Variants in COL23A1 observed in about 807,000 individuals in gnomAD.
COL23A1 encodes collagen alpha-1(XXIII) chain.
COL23A1 carries 97 observed loss-of-function variants against 99.3 expected under a neutral mutation model. That is an observed-to-expected ratio of 0.98 (90% CI 0.83 to 1.16). The LOEUF is 1.16. Ranked by LOEUF, COL23A1 falls within the 50% of genes most tolerant of loss-of-function variation. The pLI, the probability that COL23A1 is intolerant of heterozygous loss-of-function variation, is 0.00. For missense variants in COL23A1, 762 were observed against 757.4 expected (o/e 1.01, Z -0.07); for synonymous variants, 320 against 308.2 (o/e 1.04, Z -0.40).
intron 2 of COL23A1, among the ~76,000 whole-genome samples, chr5:178,315,516 A>G (rs1369843607): frequency 6.6e-6 from 1 of 152,238 alleles, no homozygotes; most frequent in African/African-American, 2.4e-5. Context: ...TGCCTGCACC[A>G]GTGATGCCCT....
At chr5:178,409,015 CACACACAT>C (rs1301962827) in intron 2 of COL23A1, among the ~76,000 whole-genome samples, 42 of 136,824 alleles carry the variant, frequency 3.1e-4, no homozygotes, top group Middle Eastern at 7.5e-3. Flanking sequence ...CACACACACA[CACACACAT>C]CATGTGGCTG....
intron 2 of COL23A1, among the ~76,000 whole-genome samples, chr5:178,437,373 C>T (rs1329277594): frequency 1.3e-5 from 2 of 152,144 alleles, no homozygotes; most frequent in East Asian, 1.9e-4. Context: ...AAACAGGGTG[C>T]CAGGAGAGGT....
In COL23A1 at chr5:178,254,994, G is replaced by T. The variant is rs752511893; in HGVS notation, c.915C>A (p.Asp305Glu). Reference sequence around the variant, plus strand: ...TGCCATCATAGTCGATCACCACTGTGTCTCCCTGCTCGCCCTTGAGGCCTG... The same window carrying T: ...TGCCATCATAGTCGATCACCACTGTTTCTCCCTGCTCGCCCTTGAGGCCTG... ...GAPGLKGEQG[D>E]TVVIDYDGRI... The change falls in exon 16 of 29, where the codon GAC becomes GAA. Residue 305 changes from aspartate to glutamate, a missense_variant. Transcript: ENST00000390654. 1.2e-6 allele frequency: 2 copies of T among 1,613,778 alleles called. No individual in the cohort carries two copies. The highest frequency in any genetic ancestry group is 3.3e-5 in the Admixed American group (2 of 60,000).
chr5:178,503,008 G>A lies in COL23A1; in HGVS notation c.361+57674C>T, dbSNP rs114382838. 3.7e-3 allele frequency among the ~76,000 whole-genome samples: 560 copies of A among 152,330 alleles called. 7 individuals are homozygous for A. The highest frequency in any genetic ancestry group is 0.012 in the African/African-American group (504 of 41,572). On this transcript the variant is annotated intron_variant, in intron 2 of 28. Coordinates refer to ENST00000390654, the MANE Select transcript of COL23A1 (RefSeq NM_173465.4). ...GCCAGTCACAGACGAGCACAGTCAG[G>A]AACGTTAGAAAAACCCAGAACAATG...
chr5:178,465,965 CG>C (rs1267293051), intron 2 of COL23A1, among the ~76,000 whole-genome samples: 1 of 152,170 alleles, frequency 6.6e-6, no homozygotes, highest in Non-Finnish European at 1.5e-5. Context: ...AGTAGAGCCT[CG>C]GGGTGAGTGC....
chr5:178,486,772 G>A (rs1011938690), intron 2 of COL23A1, among the ~76,000 whole-genome samples: 1 of 152,212 alleles, frequency 6.6e-6, no homozygotes, highest in Non-Finnish European at 1.5e-5. Flanking sequence ...AAGTGAGTAG[G>A]ACCAGTTGGA....
chr5:178,425,014 C>A (rs1372255508), intron 2 of COL23A1, among the ~76,000 whole-genome samples: 2 of 152,232 alleles, frequency 1.3e-5, no homozygotes, highest in African/African-American at 4.8e-5. Flanking sequence ...CAGCCTCTCT[C>A]CACCGACCAC....
At chr5:178,492,934 C>A (rs1252520162) in intron 2 of COL23A1, among the ~76,000 whole-genome samples, 1 of 152,168 alleles carries the variant, frequency 6.6e-6, no homozygotes, top group Non-Finnish European at 1.5e-5. Context: ...ACTTACCTCA[C>A]AGGGTATGGA....
chr5:178,376,311 G>A (rs1308850754), intron 2 of COL23A1, among the ~76,000 whole-genome samples: 2 of 152,238 alleles, frequency 1.3e-5, no homozygotes, highest in Admixed American at 6.5e-5. Flanking sequence ...GGTGCTCGGT[G>A]AACATGTGAG....
chr5:178,290,438 G>A lies in COL23A1; in HGVS notation c.407-69C>T, dbSNP rs534846132. The stretch of plus-strand genomic sequence containing the variant: ...GAGTCCCCTCGCCTGTCCTCAGCAC[G>A]GTCCCCTCACCTGTCCTCAGCACGG... On this transcript the variant is annotated intron_variant, in intron 3 of 28. Coordinates refer to ENST00000390654, the MANE Select transcript of COL23A1 (RefSeq NM_173465.4). The A allele has an allele frequency of 2.7e-5, 44 of 1,605,726 alleles. No homozygotes were observed. The East Asian group carries it at 2.9e-4, about 11-fold the overall frequency.
At chr5:178,512,315 T>A (rs998984171) in intron 2 of COL23A1, among the ~76,000 whole-genome samples, 4 of 152,234 alleles carry the variant, frequency 2.6e-5, no homozygotes, top group African/African-American at 7.2e-5. Context: ...ACTGTGTAAC[T>A]CTGTTTTGTG....
chr5:178,521,952 G>C (rs1000214345), intron 2 of COL23A1, among the ~76,000 whole-genome samples: 1 of 152,124 alleles, frequency 6.6e-6, no homozygotes, highest in Non-Finnish European at 1.5e-5. Context: ...ACATATTGGG[G>C]ATGTAATTCA....
At chr5:178,564,640 G>T (rs1762756178) in intron 1 of COL23A1, among the ~76,000 whole-genome samples, 1 of 152,160 alleles carries the variant, frequency 6.6e-6, no homozygotes, top group South Asian at 2.1e-4. Flanking sequence ...GAAGTACTGG[G>T]AAGGAGAACT....
In COL23A1 at chr5:178,280,046, T is replaced by C. The variant is rs1165727598; in HGVS notation, c.441+8278A>G. ...CGCCTCGTACATAACGAGAACACAGTAAATACCCGCTGAATGGATCAACAA... is the reference window on the plus strand; with the variant it reads ...CGCCTCGTACATAACGAGAACACAGCAAATACCCGCTGAATGGATCAACAA... On this transcript the variant is annotated intron_variant, in intron 5 of 28. Coordinates refer to ENST00000390654, the MANE Select transcript of COL23A1 (RefSeq NM_173465.4). This position sits in a 1 kb window ranked among gnomAD's most constrained non-coding sequence, Gnocchi z 4.9. Among the ~76,000 whole-genome samples, 2 of 152,226 alleles carry C rather than the reference T, an allele frequency of 1.3e-5. No homozygotes were observed. The highest frequency in any genetic ancestry group is 2.1e-4 in the South Asian group (1 of 4,830).
chr5:178,298,660 G>T (rs958656687), intron 3 of COL23A1, among the ~76,000 whole-genome samples: 3 of 152,148 alleles, frequency 2.0e-5, no homozygotes, highest in Non-Finnish European at 4.4e-5. Flanking sequence ...CATTCAGCCA[G>T]CTCAGGTAAG....
At chr5:178,521,174 T>C (rs769164666) in intron 2 of COL23A1, among the ~76,000 whole-genome samples, 3 of 152,234 alleles carry the variant, frequency 2.0e-5, no homozygotes, top group Non-Finnish European at 2.9e-5. Flanking sequence ...ATTATAATCT[T>C]ACGGGACCAC....
At chr5:178,357,895 ATGTG>A (rs756359165) in intron 2 of COL23A1, among the ~76,000 whole-genome samples, 2 of 122,444 alleles carry the variant, frequency 1.6e-5, no homozygotes, top group East Asian at 2.5e-4. Flanking sequence ...GTGTGTGTGT[ATGTG>A]TGTCTAATGT....
At chr5:178,288,770 AAGAG>A (rs140596463) in intron 4 of COL23A1, among the ~76,000 whole-genome samples, 3,020 of 151,446 alleles carry the variant, frequency 0.02, 84 homozygotes, top group African/African-American at 0.07. Context: ...TGAACCAAGA[AAGAG>A]AGCCTTAGAA....
chr5:178,267,243 T>C, intron 8 of COL23A1, 64 bp downstream of exon 8: 1 of 1,561,514 alleles, frequency 6.4e-7, no homozygotes, highest in East Asian at 2.2e-5. Flanking sequence ...CAGCGCCAGT[T>C]ATGCCTCATT....
Sources: allele counts gnomAD v4.1 joint callset (sites outside exome capture counted in the v4.1 genomes callset), GRCh38; gene constraint gnomAD v4.1.1; non-coding constraint Gnocchi (gnomAD v3.1); transcripts MANE v1.5; gene names NCBI Gene and HGNC (gene_info 2026-07-23, HGNC 2026-07-21).